Variants in SBF2 observed in about 807,000 individuals in gnomAD.
SBF2 encodes the protein myotubularin-related protein 13.
Under a neutral mutation model 225.2 loss-of-function variants are expected in SBF2, and 112 were observed. The observed-to-expected ratio is 0.50, with a 90% CI of 0.43 to 0.58. SBF2 has a LOEUF of 0.58. Among genes scored for constraint, SBF2 ranks in the 20% least tolerant of loss-of-function variants. The probability of loss-of-function intolerance (pLI) is 0.00; values close to 1 mark genes in which losing one functional copy is unlikely to be tolerated. For synonymous variants in SBF2, 763 were observed against 773.3 expected, an observed-to-expected ratio of 0.99 and a Z score of 0.22; for missense variants, 1,996 against 2,206.2, an observed-to-expected ratio of 0.90 and a Z score of 1.91.
At chr11:9,828,396 ACACATTTG>A (rs1855189118) in intron 28 of SBF2, 2 of 985,470 alleles carry the variant, frequency 2.0e-6, no homozygotes, top group South Asian at 4.7e-5. Flanking sequence ...CAGAGATAAC[ACACATTTG>A]CAAGATTATA....
chr11:10,011,708 TGA>T (rs1235577614), intron 6 of SBF2, among the ~76,000 whole-genome samples: 2 of 152,224 alleles, frequency 1.3e-5, no homozygotes, highest in East Asian at 1.9e-4. Flanking sequence ...TTCTTTCTGT[TGA>T]GAGACCCGCT....
At chr11:10,173,585 G>A (rs1956315569) in intron 2 of SBF2, among the ~76,000 whole-genome samples, 1 of 152,326 alleles carries the variant, frequency 6.6e-6, no homozygotes, top group South Asian at 2.1e-4. Context: ...GGCTGGGGGA[G>A]GGGCGCCCAC....
At chr11:10,103,070 G>A (rs1041038074) in intron 2 of SBF2, among the ~76,000 whole-genome samples, 6 of 152,112 alleles carry the variant, frequency 3.9e-5, no homozygotes, top group Non-Finnish European at 8.8e-5. Flanking sequence ...GCCTCAGGGT[G>A]TCTTCATTGG....
chr11:10,286,656 C>A (rs1470725006), intron 1 of SBF2, among the ~76,000 whole-genome samples: 3 of 152,222 alleles, frequency 2.0e-5, no homozygotes, highest in East Asian at 1.9e-4. Flanking sequence ...CGGCACCCAG[C>A]CTGTTTTTGT....
intron 17 of SBF2, among the ~76,000 whole-genome samples, chr11:9,887,097 T>C (rs933720636): frequency 7.2e-5 from 11 of 151,842 alleles, no homozygotes; most frequent in African/African-American, 2.2e-4. Context: ...TTCTGAAGAA[T>C]GAACAAAAGG....
intron 33 of SBF2, among the ~76,000 whole-genome samples, chr11:9,793,811 T>C (rs1428032914): frequency 2.0e-5 from 3 of 152,242 alleles, no homozygotes; most frequent in South Asian, 2.1e-4. Context: ...GTGATTCTAA[T>C]GTTCAGTCAA....
intron 1 of SBF2, among the ~76,000 whole-genome samples, chr11:10,194,884 T>C (rs944713939): frequency 4.6e-5 from 7 of 152,222 alleles, no homozygotes; most frequent in Non-Finnish European, 8.8e-5. Flanking sequence ...ATCTAGTCTC[T>C]ACCACGTTAT....
intron 2 of SBF2, among the ~76,000 whole-genome samples, chr11:10,053,201 T>C (rs1679404128): frequency 6.6e-6 from 1 of 152,164 alleles, no homozygotes; most frequent in Admixed American, 6.6e-5. Flanking sequence ...ACCAATTCCC[T>C]ATTGTTGGTT....
At chr11:10,097,377 G>A (rs1050614553) in intron 2 of SBF2, among the ~76,000 whole-genome samples, 1 of 152,080 alleles carries the variant, frequency 6.6e-6, no homozygotes, top group Admixed American at 6.6e-5. Flanking sequence ...AAGCACAAAC[G>A]GGCTGACACA....
intron 6 of SBF2, among the ~76,000 whole-genome samples, chr11:10,025,978 C>T (rs1949038193): frequency 6.6e-6 from 1 of 151,262 alleles, no homozygotes; most frequent in African/African-American, 2.4e-5. Context: ...CACAGGCCAC[C>T]ATTACTGGAA....
intron 2 of SBF2, among the ~76,000 whole-genome samples, chr11:10,183,108 G>T (rs1340933743): frequency 6.6e-6 from 1 of 152,114 alleles, no homozygotes; most frequent in Non-Finnish European, 1.5e-5. Flanking sequence ...GTTTCACCAT[G>T]TTGCCCAGGG....
chr11:9,918,519 A>AATTTTTGT (rs1235378554), intron 16 of SBF2, among the ~76,000 whole-genome samples: 1 of 151,836 alleles, frequency 6.6e-6, no homozygotes, highest in African/African-American at 2.4e-5. Context: ...ATGCCTGGCT[A>AATTTTTGT]ATTTTTGTAT....
intron 1 of SBF2, among the ~76,000 whole-genome samples, chr11:10,205,901 C>T (rs1029395311): frequency 6.6e-6 from 1 of 151,904 alleles, no homozygotes; most frequent in Non-Finnish European, 1.5e-5. Flanking sequence ...CAAGTAACCT[C>T]GGCAGACATT....
chr11:10,246,318 CTT>C (rs920247560), intron 1 of SBF2, among the ~76,000 whole-genome samples: 9 of 152,296 alleles, frequency 5.9e-5, no homozygotes, highest in Non-Finnish European at 8.8e-5. Context: ...GAGTTTCACT[CTT>C]GTCACCGAGG....
At chr11:10,089,053 TA>T (rs1220158640) in intron 2 of SBF2, among the ~76,000 whole-genome samples, 1 of 152,064 alleles carries the variant, frequency 6.6e-6, no homozygotes, top group African/African-American at 2.4e-5. Context: ...AAGACGGTCT[TA>T]AAAAAAATGT....
chr11:10,067,545 CA>C (rs1950672644), intron 2 of SBF2, among the ~76,000 whole-genome samples: 1 of 151,566 alleles, frequency 6.6e-6, no homozygotes. Context: ...ACCAAAAAAA[CA>C]AAAACAAAAA....
At chr11:9,898,114 T>A (rs933701649) in intron 16 of SBF2, among the ~76,000 whole-genome samples, 1 of 150,834 alleles carries the variant, frequency 6.6e-6, no homozygotes, top group African/African-American at 2.4e-5. Context: ...AGAAGGGAAA[T>A]AGGCAAAGAT....
chr11:10,154,697 T>A (rs1045906388), intron 2 of SBF2, among the ~76,000 whole-genome samples: 4 of 152,212 alleles, frequency 2.6e-5, no homozygotes, highest in African/African-American at 9.6e-5. Context: ...CTAAATGCTG[T>A]ATGTTTTTTA....
rs868226474 is a variant in SBF2, at chr11:10,132,483, G to A, written c.141+61419C>T. On this transcript the variant is annotated intron_variant, in intron 2 of 39. Transcript: ENST00000256190. ...TTCCTTCTGGTGGGTTTGTGGTCTC[G>A]CTGGCTCAGGAGTGAAGCTGCAGAC... Among the ~76,000 whole-genome samples the A allele has an allele frequency of 1.4e-4, 21 of 148,808 alleles. 1 individual carries two copies. Among genetic ancestry groups the A allele is most frequent in the African/African-American group, 5.2e-4 (21 of 40,366 alleles).
Sources: gnomAD v4.1 joint callset for allele counts (sites outside exome capture counted in the v4.1 genomes callset) on GRCh38, gnomAD v4.1.1 for gene constraint, MANE v1.5 for transcripts, NCBI Gene and HGNC (gene_info 2026-07-23, HGNC 2026-07-21) for gene names.